F13A1: variants seen among roughly 807,000 people sequenced by gnomAD.
The protein encoded by F13A1 is coagulation factor XIII A chain.
In F13A1, 47 loss-of-function variants were observed where a neutral mutation model predicts 80.1. The observed-to-expected ratio is 0.59, with a 90% confidence interval of 0.46 to 0.75. The LOEUF (loss-of-function observed/expected upper bound fraction) is 0.75. F13A1 is among the 30% of genes least tolerant of loss of function. The probability of loss-of-function intolerance (pLI) is 0.00; values close to 1 mark genes in which losing one functional copy is unlikely to be tolerated. For missense variants in F13A1, 817 were observed against 930.4 expected (o/e 0.88, Z 1.59); for synonymous variants, 349 against 344.9 (o/e 1.01, Z -0.13).
intron 6 of F13A1, among the ~76,000 whole-genome samples, chr6:6,234,273 T>G (rs2072479632): frequency 6.6e-6 from 1 of 152,132 alleles, no homozygotes; most frequent in South Asian, 2.1e-4. Flanking sequence ...AAGATTAATG[T>G]ACACAAATCA....
chr6:6,198,749 C>T (rs1761336550), intron 8 of F13A1, among the ~76,000 whole-genome samples: 1 of 152,170 alleles, frequency 6.6e-6, no homozygotes, highest in East Asian at 1.9e-4. Flanking sequence ...TAAGCTAATA[C>T]ATGTATTTCG....
At chr6:6,154,664 C>A (rs1187548213) in intron 13 of F13A1, among the ~76,000 whole-genome samples, 1 of 152,194 alleles carries the variant, frequency 6.6e-6, no homozygotes, top group Non-Finnish European at 1.5e-5. Context: ...TCCCAGAGGC[C>A]CTGCCTCAAT....
At chr6:6,152,399 C>A (rs1760395620) in intron 13 of F13A1, among the ~76,000 whole-genome samples, 1 of 152,128 alleles carries the variant, frequency 6.6e-6, no homozygotes, top group Admixed American at 6.6e-5. Flanking sequence ...GACACATTCG[C>A]AAGAAATATG....
chr6:6,217,892 C>A (rs1451436737), intron 8 of F13A1, among the ~76,000 whole-genome samples: 1 of 152,136 alleles, frequency 6.6e-6, no homozygotes, highest in Non-Finnish European at 1.5e-5. Flanking sequence ...AGATTAAGAC[C>A]ACCCATTGCA....
intron 3 of F13A1, among the ~76,000 whole-genome samples, chr6:6,295,114 T>C (rs1261571748): frequency 2.0e-5 from 3 of 147,130 alleles, no homozygotes; most frequent in Non-Finnish European, 4.4e-5. Context: ...ATGGTGTATA[T>C]GTGCCACATT....
chr6:6,298,957 C>G (rs553729941), intron 3 of F13A1, among the ~76,000 whole-genome samples: 3 of 148,574 alleles, frequency 2.0e-5, no homozygotes, highest in Non-Finnish European at 4.4e-5. Context: ...GTGACAAAAT[C>G]TCTTAGCATT....
intron 6 of F13A1, among the ~76,000 whole-genome samples, chr6:6,247,729 A>G (rs1158234883): frequency 2.6e-5 from 4 of 152,222 alleles, no homozygotes. Context: ...TTTGTCACTG[A>G]AAGCTGTCCT....
chr6:6,224,673 G>A lies in F13A1; in HGVS notation c.973+13C>T. ...CTTTATATTAAAAAGAAATTACTCAGTTGGATACTTACATGTGTTAAAGAC... is the reference window on the plus strand; with the variant it reads ...CTTTATATTAAAAAGAAATTACTCAATTGGATACTTACATGTGTTAAAGAC... On this transcript the variant is annotated intron_variant, in intron 7 of 14. Coordinates refer to ENST00000264870, the MANE Select transcript of F13A1 (RefSeq NM_000129.4). 1 of 1,612,488 alleles carries A rather than the reference G, an allele frequency of 6.2e-7. No individual in the cohort carries two copies. The highest frequency in any genetic ancestry group is 2.2e-5 in the East Asian group (1 of 44,882).
At chr6:6,279,767 T>C (rs1221002467) in intron 3 of F13A1, among the ~76,000 whole-genome samples, 1 of 152,228 alleles carries the variant, frequency 6.6e-6, no homozygotes, top group Non-Finnish European at 1.5e-5. Context: ...TTCTAGGTTT[T>C]ACAAGAAAGG....
chr6:6,222,524 C>T (rs988669658), intron 7 of F13A1, among the ~76,000 whole-genome samples: 1 of 152,164 alleles, frequency 6.6e-6, no homozygotes, highest in Non-Finnish European at 1.5e-5. Flanking sequence ...ATTTTAAAAA[C>T]CCACTAATAG....
chr6:6,226,894 A>G (rs1308233272), intron 6 of F13A1, among the ~76,000 whole-genome samples: 1 of 152,098 alleles, frequency 6.6e-6, no homozygotes, highest in Non-Finnish European at 1.5e-5. Context: ...TGAGGAAGGG[A>G]GTTATCAGTT....
At chr6:6,199,263 G>A (rs988631302) in intron 8 of F13A1, among the ~76,000 whole-genome samples, 9 of 152,202 alleles carry the variant, frequency 5.9e-5, no homozygotes, top group Admixed American at 1.3e-4. Flanking sequence ...GCCGAGGCGG[G>A]CAGATCACGA....
At position 6,217,142 on chromosome 6, in the gene F13A1, C is replaced by A. The variant is rs369782976; in HGVS notation, c.1112+4891G>T. Among the ~76,000 whole-genome samples the A allele has an allele frequency of 2.1e-4, 31 of 148,436 alleles. No individual in the cohort carries two copies. The East Asian group carries it at 2.8e-3, about 13-fold the overall frequency. On this transcript the variant is annotated intron_variant, in intron 8 of 14. Transcript: ENST00000264870. Reference sequence around the variant, plus strand: ...TGGCGATTCCTCAGGGATCTAGAACCAGAAATACCATTTGACCCAGCCATC... The same window carrying A: ...TGGCGATTCCTCAGGGATCTAGAACAAGAAATACCATTTGACCCAGCCATC...
intron 9 of F13A1, among the ~76,000 whole-genome samples, chr6:6,196,198 A>T (rs1761288081): frequency 6.6e-6 from 1 of 152,240 alleles, no homozygotes; most frequent in African/African-American, 2.4e-5. Context: ...TTCAGGTGGT[A>T]TCTGAAATGT....
At chr6:6,217,337 A>G (rs1757108428) in intron 8 of F13A1, among the ~76,000 whole-genome samples, 1 of 147,430 alleles carries the variant, frequency 6.8e-6, no homozygotes, top group Admixed American at 6.6e-5. Flanking sequence ...ACCATGGAAT[A>G]CTATGCAGCC....
chr6:6,233,575 G>A (rs1452140036), intron 6 of F13A1, among the ~76,000 whole-genome samples: 1 of 152,028 alleles, frequency 6.6e-6, no homozygotes, highest in East Asian at 1.9e-4. Context: ...AGAGAAAGAA[G>A]GAACCCTCCC....
At chr6:6,165,318 A>T (rs1316951655) in intron 13 of F13A1, among the ~76,000 whole-genome samples, 1 of 152,242 alleles carries the variant, frequency 6.6e-6, no homozygotes, top group Non-Finnish European at 1.5e-5. Context: ...CTGGGGAATT[A>T]AACTGCTCTT....
chr6:6,185,467 C>T (rs551281621), intron 10 of F13A1, among the ~76,000 whole-genome samples: 25 of 150,118 alleles, frequency 1.7e-4, no homozygotes, highest in African/African-American at 2.9e-4. Context: ...TGAGAATATG[C>T]GGTGTTTGGT....
intron 4 of F13A1, among the ~76,000 whole-genome samples, chr6:6,265,541 G>C (rs974859895): frequency 1.3e-5 from 2 of 152,184 alleles, no homozygotes; most frequent in Admixed American, 1.3e-4. Flanking sequence ...AAACAGAATT[G>C]ATAGAGAAAT....
Sources: gnomAD v4.1 joint callset for allele counts (sites outside exome capture counted in the v4.1 genomes callset) on GRCh38, gnomAD v4.1.1 for gene constraint, MANE v1.5 for transcripts, NCBI Gene and HGNC (gene_info 2026-07-23, HGNC 2026-07-21) for gene names.